AK2: variants seen among roughly 807,000 people sequenced by gnomAD.
The protein encoded by AK2 is adenylate kinase 2, also known as adenylate kinase 2, mitochondrial.
Under a neutral mutation model 24.6 loss-of-function variants are expected in AK2, and 15 were observed. The ratio of observed to expected loss-of-function variants is 0.61; its 90% CI spans 0.41 to 0.94. AK2 has a LOEUF of 0.94. Ranked by LOEUF, AK2 falls within the 40% of genes least tolerant of loss-of-function variation. AK2 has a pLI of 0.00. For synonymous variants in AK2, 102 were observed against 114.0 expected (o/e 0.90, Z 0.67); for missense variants, 257 against 304.1 (o/e 0.85, Z 1.15).
Position 33,008,690 on chromosome 1 carries a change from A to G in AK2, c.*4491T>C, listed in dbSNP as rs1250911861. The G allele has an allele frequency of 2.2e-6, 1 of 453,992 alleles. No individual in the cohort carries two copies. Among genetic ancestry groups the G allele is most frequent in the Non-Finnish European group, 4.4e-6 (1 of 226,800 alleles). 28.1% of individuals were successfully genotyped at this position (453,992 alleles called of 1,614,324 possible). A position where few individuals can be genotyped will look rare whatever the true frequency, so the allele number is the denominator to read the frequency against. Reference sequence around the variant, plus strand: ...CTCTCTGAGTCTGGTTTCCTCACCTATAAAAGTGAAGGACAGTTCTGACTC... The same window carrying G: ...CTCTCTGAGTCTGGTTTCCTCACCTGTAAAAGTGAAGGACAGTTCTGACTC... On this transcript the variant is annotated 3_prime_UTR_variant, in exon 6 of 6. Coordinates refer to ENST00000672715, the MANE Select transcript of AK2 (RefSeq NM_001625.4).
intron 4 of AK2, among the ~76,000 whole-genome samples, chr1:33,018,001 G>T (rs114309730): frequency 0.014 from 2,186 of 152,234 alleles, 51 homozygotes; most frequent in African/African-American, 0.049. Flanking sequence ...CTGGCCTCAA[G>T]TAATCCTCCT....
intron 1 of AK2, chr1:33,032,376 G>C (rs1288265159): frequency 6.6e-6 from 1 of 152,218 alleles, no homozygotes; most frequent in African/African-American, 2.4e-5. Context: ...TGGAGCTCTG[G>C]ATTTTTAAGA....
intron 4 of AK2, among the ~76,000 whole-genome samples, chr1:33,017,092 TA>T (rs2124302808): frequency 6.6e-6 from 1 of 152,346 alleles, no homozygotes; most frequent in Admixed American, 6.5e-5. Flanking sequence ...CTAGATTATG[TA>T]TACCTAATAC....
chr1:33,034,485 CACATAT>C (rs1440903810), intron 1 of AK2, among the ~76,000 whole-genome samples: 1 of 145,638 alleles, frequency 6.9e-6, no homozygotes, highest in African/African-American at 2.8e-5. Flanking sequence ...CACACACACA[CACATAT>C]ATCATAATTT....
rs1638642671 is a variant in AK2 at position 33,009,081 on chromosome 1, G to C, written c.*4100C>G. ...CCTGAAAATGACTCTGCACAGGTGA[G>C]GAAGTGGAGCAGAAGAGGGAGGGGC... On this transcript the variant is annotated 3_prime_UTR_variant, in exon 6 of 6. Coordinates refer to ENST00000672715, the MANE Select transcript of AK2 (RefSeq NM_001625.4). 1 of 453,926 alleles carries C rather than the reference G, an allele frequency of 2.2e-6. No individual in the cohort carries two copies. Among genetic ancestry groups the C allele is most frequent in the South Asian group, 1.6e-5 (1 of 64,478 alleles). The allele number at this position is 453,926 out of a possible 1,614,324, so 28.1% of individuals were successfully genotyped here. A position where few individuals can be genotyped will look rare whatever the true frequency, so the allele number is the denominator to read the frequency against.
Position 33,017,574 on chromosome 1 carries a change from C to G in AK2, c.426-2980G>C, listed in dbSNP as rs114747445. Among the ~76,000 whole-genome samples the G allele has an allele frequency of 2.5e-3, 377 of 152,270 alleles. 2 individuals are homozygous for G. The highest frequency in any genetic ancestry group is 4.4e-3 in the Non-Finnish European group (297 of 68,022). ...GCTCTTTTGCCATTCACAAATACCA[C>G]TTTTTAAAACAATACAAGGCTCATT... On this transcript the variant is annotated intron_variant, in intron 4 of 5. Transcript: ENST00000672715.
At position 33,012,987 on chromosome 1, in the gene AK2, C is replaced by T. The variant is rs192732138; in HGVS notation, c.*194G>A. ...CAGAGTGAACACATATGTGCATGCACACACACACACACACAACACACATAC... is the reference window on the plus strand; with the variant it reads ...CAGAGTGAACACATATGTGCATGCATACACACACACACACAACACACATAC... On this transcript the variant is annotated 3_prime_UTR_variant, in exon 6 of 6. Transcript: ENST00000672715. 62 of 1,534,646 alleles carry T rather than the reference C, an allele frequency of 4.0e-5. No homozygotes were observed. The Admixed American group carries it at 6.2e-4, about 15-fold the overall frequency.
At chr1:33,030,831 T>C (rs1231978082) in intron 1 of AK2, among the ~76,000 whole-genome samples, 3 of 152,198 alleles carry the variant, frequency 2.0e-5, no homozygotes, top group African/African-American at 7.2e-5. Flanking sequence ...CATGACACTA[T>C]AAGGCTTTAA....
Position 33,024,578 on chromosome 1 carries a change from G to C in AK2, c.94-11C>G. On this transcript the variant is annotated splice_polypyrimidine_tract_variant and intron_variant, in intron 1 of 5. Transcript: ENST00000672715. ...AGCCAATCTGGGTGCCTACAGAGAGGAAGACAAAAACCAAGATTCAATTAC... is the reference window on the plus strand; with the variant it reads ...AGCCAATCTGGGTGCCTACAGAGAGCAAGACAAAAACCAAGATTCAATTAC... 1 of 1,614,164 alleles carries C rather than the reference G, an allele frequency of 6.2e-7. No homozygotes were observed. Among genetic ancestry groups the C allele is most frequent in the South Asian group, 1.1e-5 (1 of 91,086 alleles).
chr1:33,013,083 A>G lies in AK2; in HGVS notation c.*98T>C, dbSNP rs188290204. 2 of 1,609,890 alleles carry G rather than the reference A, an allele frequency of 1.2e-6. No individual in the cohort carries two copies. The highest frequency in any genetic ancestry group is 1.3e-5 in the African/African-American group (1 of 75,030). ...GCTTTTTTAATCAATACATCAAATGATATTTTTGCTAGCCTGAGGAAGCTT... is the reference window on the plus strand; with the variant it reads ...GCTTTTTTAATCAATACATCAAATGGTATTTTTGCTAGCCTGAGGAAGCTT... On this transcript the variant is annotated 3_prime_UTR_variant, in exon 6 of 6. Transcript: ENST00000672715.
chr1:33,026,565 T>C (rs1395334729), intron 1 of AK2, among the ~76,000 whole-genome samples: 1 of 152,140 alleles, frequency 6.6e-6, no homozygotes, highest in Non-Finnish European at 1.5e-5. Context: ...TCCCAGCACT[T>C]TGGGAGGCCA....
At chr1:33,033,435 T>C (rs1640373872) in intron 1 of AK2, among the ~76,000 whole-genome samples, 1 of 152,046 alleles carries the variant, frequency 6.6e-6, no homozygotes, top group Non-Finnish European at 1.5e-5. Context: ...GTGGGAGGAC[T>C]GAGGCTGCCG....
intron 1 of AK2, chr1:33,031,148 C>T (rs1390334526): frequency 2.6e-5 from 4 of 152,546 alleles, no homozygotes; most frequent in African/African-American, 9.6e-5. Context: ...AGTTCTTGTT[C>T]TATCCCTGAA....
chr1:33,022,351 CTTTTTTTTTTTT>C (rs397862465), intron 2 of AK2, among the ~76,000 whole-genome samples: 1 of 112,370 alleles, frequency 8.9e-6, no homozygotes, highest in East Asian at 2.7e-4. Flanking sequence ...TCTTCCCTCA[CTTTTTTTTTTTT>C]TTTTTTTTTT....
In AK2 at chr1:33,010,688, C is replaced by G. The variant is rs750387122; in HGVS notation, c.*2493G>C. 6.3e-7 allele frequency: 1 copy of G among 1,599,286 alleles called. No homozygotes were observed. ...ACACTACAATAACACTGCTGTTGTT[C>G]CAAGTATTCCTCTGAGCCCCTCACC... On this transcript the variant is annotated 3_prime_UTR_variant, in exon 6 of 6. Coordinates refer to ENST00000672715, the MANE Select transcript of AK2 (RefSeq NM_001625.4).
At chr1:33,028,902 T>C (rs1420630130) in intron 1 of AK2, among the ~76,000 whole-genome samples, 1 of 152,154 alleles carries the variant, frequency 6.6e-6, no homozygotes, top group Non-Finnish European at 1.5e-5. Flanking sequence ...GGGTACAGTA[T>C]GTGAAGCCCT....
chr1:33,008,402 G>T lies in AK2; in HGVS notation c.*4779C>A. 2.2e-6 allele frequency: 1 copy of T among 454,094 alleles called. No individual in the cohort carries two copies. Among genetic ancestry groups the T allele is most frequent in the Non-Finnish European group, 4.4e-6 (1 of 226,782 alleles). The allele number at this position is 454,094 out of a possible 1,614,324, so 28.1% of individuals were successfully genotyped here. Reference sequence around the variant, plus strand: ...GCTGCTCTCCATCCTGCTGTGTTCTGTCAGTGACACTTTGTGCACACAGGA... The same window carrying T: ...GCTGCTCTCCATCCTGCTGTGTTCTTTCAGTGACACTTTGTGCACACAGGA... On this transcript the variant is annotated 3_prime_UTR_variant, in exon 6 of 6. Transcript: ENST00000672715.
At chr1:33,025,819 A>G (rs941989638) in intron 1 of AK2, among the ~76,000 whole-genome samples, 3 of 152,260 alleles carry the variant, frequency 2.0e-5, no homozygotes, top group African/African-American at 7.2e-5. Flanking sequence ...GCATATAGTA[A>G]GCGCTCAGTG....
rs1638937854 is a variant in AK2, at chr1:33,013,126, C to G, written c.*55G>C. On this transcript the variant is annotated 3_prime_UTR_variant, in exon 6 of 6. Transcript: ENST00000672715. ...GGAAGCTTCTCTTTGCCTGTCCTAT[C>G]ATTCCCACCCATTGCCTCACAGGGA... 2 of 1,613,772 alleles carry G rather than the reference C, an allele frequency of 1.2e-6. No homozygotes were observed. Among genetic ancestry groups the G allele is most frequent in the Non-Finnish European group, 1.7e-6 (2 of 1,180,018 alleles).
Sources: allele counts gnomAD v4.1 joint callset (sites outside exome capture counted in the v4.1 genomes callset), GRCh38; gene constraint gnomAD v4.1.1; transcripts MANE v1.5; gene names NCBI Gene and HGNC (gene_info 2026-07-23, HGNC 2026-07-21).